SUGP1: variants seen among roughly 807,000 people sequenced by gnomAD.
SUGP1 encodes SURP and G-patch domain-containing protein 1.
In SUGP1, 34 loss-of-function variants were observed where a neutral mutation model predicts 76.5. The ratio of observed to expected loss-of-function variants is 0.44; its 90% CI spans 0.34 to 0.59. The LOEUF is 0.59. SUGP1 is among the 20% of genes least tolerant of loss of function. SUGP1 has a pLI of 0.01. For synonymous variants in SUGP1, 326 were observed against 326.2 expected, an observed-to-expected ratio of 1.00 and a Z score of 0.01; for missense variants, 752 against 851.7, an observed-to-expected ratio of 0.88 and a Z score of 1.46.
chr19:19,279,869 T>G (rs575037009), intron 9 of SUGP1, among the ~76,000 whole-genome samples: 2 of 152,294 alleles, frequency 1.3e-5, no homozygotes, highest in South Asian at 4.1e-4. Flanking sequence ...GACTCTCCCA[T>G]GGGAACCAGC....
intron 12 of SUGP1, among the ~76,000 whole-genome samples, 170 bp from the exon 13 acceptor site, chr19:19,277,246 G>GC (rs745757227): frequency 0.14 from 19,025 of 136,202 alleles, 1,883 homozygotes; most frequent in Middle Eastern, 0.26. Context: ...GACCCCCGGG[G>GC]CGGGCGGGGG....
At chr19:19,277,339 G>A (rs1228438929) in intron 12 of SUGP1, among the ~76,000 whole-genome samples, 4 of 152,096 alleles carry the variant, frequency 2.6e-5, no homozygotes, top group Admixed American at 1.3e-4. Flanking sequence ...TGGCAGGATG[G>A]TTACTCAAGG....
intron 2 of SUGP1, among the ~76,000 whole-genome samples, chr19:19,311,569 T>C (rs1479804536): frequency 6.6e-6 from 1 of 151,122 alleles, no homozygotes; most frequent in Non-Finnish European, 1.5e-5. Context: ...CTACTAAAAA[T>C]ACAAAGAATT....
intron 8 of SUGP1, among the ~76,000 whole-genome samples, chr19:19,291,631 T>C (rs1014777838): frequency 2.6e-5 from 4 of 152,030 alleles, no homozygotes; most frequent in Admixed American, 2.6e-4. Context: ...GGCTCACACC[T>C]GTAATCCCAG....
chr19:19,292,922 T>C (rs2061197161), intron 8 of SUGP1, among the ~76,000 whole-genome samples: 1 of 152,124 alleles, frequency 6.6e-6, no homozygotes, highest in African/African-American at 2.4e-5. Context: ...ACTTTTTTTT[T>C]TTGAGACTCA....
chr19:19,309,397 T>C (rs904186273), intron 3 of SUGP1, among the ~76,000 whole-genome samples: 1 of 152,026 alleles, frequency 6.6e-6, no homozygotes, highest in Non-Finnish European at 1.5e-5. Flanking sequence ...GGTGGAAGGT[T>C]TGCTTGAGCC....
chr19:19,302,447 C>A, intron 6 of SUGP1, 59 bp from the exon 7 acceptor site: 1 of 1,584,276 alleles, frequency 6.3e-7, no homozygotes, highest in Non-Finnish European at 8.6e-7. Context: ...CTAATTTCTG[C>A]TAAGAACCCC....
intron 8 of SUGP1, among the ~76,000 whole-genome samples, chr19:19,294,298 A>G (rs1219153120): frequency 1.3e-5 from 2 of 152,132 alleles, no homozygotes; most frequent in East Asian, 1.9e-4. Context: ...CCAAGGCAGG[A>G]GGATTGCTTG....
In SUGP1 at chr19:19,305,639, G is replaced by A. The variant is rs528282893; in HGVS notation, c.538+210C>T. On this transcript the variant is annotated intron_variant, in intron 4 of 13. Coordinates refer to ENST00000247001, the MANE Select transcript of SUGP1 (RefSeq NM_172231.4). ...CCGCTGCTCCCAAGATGAAGCCCAC[G>A]CGCTGATGCCCAGCAACACCCCAGC... 26 of 512,802 alleles carry A rather than the reference G, an allele frequency of 5.1e-5. No individual in the cohort carries two copies. In the Admixed American group the frequency reaches 6.7e-4, roughly 13 times the overall value. 31.8% of individuals were successfully genotyped at this position (512,802 alleles called of 1,614,324 possible). A position where few individuals can be genotyped will look rare whatever the true frequency, so the allele number is the denominator to read the frequency against.
At chr19:19,292,133 T>A (rs2061189543) in intron 8 of SUGP1, among the ~76,000 whole-genome samples, 1 of 148,176 alleles carries the variant, frequency 6.7e-6, no homozygotes, top group Non-Finnish European at 1.5e-5. Context: ...ATTAGCCAGG[T>A]ATGGTGGCAG....
intron 8 of SUGP1, among the ~76,000 whole-genome samples, chr19:19,286,692 G>A (rs1248136998): frequency 6.6e-6 from 1 of 151,902 alleles, no homozygotes; most frequent in Admixed American, 6.6e-5. Flanking sequence ...AGTCCAGCCC[G>A]GGCAACATAA....
chr19:19,278,947 T>TGG (rs1459917578), intron 10 of SUGP1, 151 bp from the exon 11 acceptor site: 3 of 831,920 alleles, frequency 3.6e-6, no homozygotes, highest in African/African-American at 3.4e-5. Context: ...CCCGAGCCTC[T>TGG]GCCTGGTGAG....
At chr19:19,276,869 G>A (rs979506176) in intron 13 of SUGP1, 78 bp downstream of exon 13, 3 of 1,586,524 alleles carry the variant, frequency 1.9e-6, no homozygotes, top group Non-Finnish European at 2.6e-6. Context: ...CTGGACTGAG[G>A]AAGGAAGGGA....
At chr19:19,296,509 T>TGGAGGCGGGCAC (rs1212995400) in intron 8 of SUGP1, among the ~76,000 whole-genome samples, 1 of 151,984 alleles carries the variant, frequency 6.6e-6, no homozygotes, top group Admixed American at 6.6e-5. Context: ...TAGGCGGGCA[T>TGGAGGCGGGCAC]GGTGGCGGGC....
At chr19:19,279,876 C>T (rs1024949342) in intron 9 of SUGP1, among the ~76,000 whole-genome samples, 1 of 152,232 alleles carries the variant, frequency 6.6e-6, no homozygotes, top group African/African-American at 2.4e-5. Flanking sequence ...CCATGGGAAC[C>T]AGCCCTGGAG....
intron 8 of SUGP1, among the ~76,000 whole-genome samples, chr19:19,285,365 C>T (rs1256497571): frequency 6.6e-6 from 1 of 152,084 alleles, no homozygotes; most frequent in African/African-American, 2.4e-5. Context: ...TGGGGTTTCA[C>T]CATGTTGGCC....
At position 19,315,339 on chromosome 19, in the gene SUGP1, A is replaced by G. The variant is rs149773833; in HGVS notation, c.206+1083T>C. 1.1e-3 allele frequency among the ~76,000 whole-genome samples: 167 copies of G among 152,132 alleles called. 1 individual carries two copies. The highest frequency in any genetic ancestry group is 3.7e-3 in the African/African-American group (154 of 41,514). On this transcript the variant is annotated intron_variant, in intron 2 of 13. Coordinates refer to ENST00000247001, the MANE Select transcript of SUGP1 (RefSeq NM_172231.4). ...CAAAACCCTGTCTCAAAGAAAAAAA[A>G]AAAGGAAAAGCTGGAGCTGGAACAA...
chr19:19,300,460 A>C (rs2061262616), intron 7 of SUGP1, among the ~76,000 whole-genome samples: 1 of 152,328 alleles, frequency 6.6e-6, no homozygotes, highest in South Asian at 2.1e-4. Context: ...CGTGACAGGG[A>C]AGGGCCAGGA....
chr19:19,303,634 GC>G, intron 5 of SUGP1, 89 bp downstream of exon 5: 1 of 1,517,422 alleles, frequency 6.6e-7, no homozygotes, highest in Non-Finnish European at 9.1e-7. Flanking sequence ...ACAGCATCCG[GC>G]CCACACTAGC....
Sources: allele counts gnomAD v4.1 joint callset (sites outside exome capture counted in the v4.1 genomes callset), GRCh38; gene constraint gnomAD v4.1.1; transcripts MANE v1.5; gene names NCBI Gene and HGNC (gene_info 2026-07-23, HGNC 2026-07-21).